ADAM23: variants seen among roughly 807,000 people sequenced by gnomAD.
ADAM23 encodes the protein ADAM metallopeptidase domain 23.
Under a neutral mutation model 120.1 loss-of-function variants are expected in ADAM23, and 33 were observed. The observed-to-expected ratio is 0.27, with a 90% confidence interval of 0.21 to 0.37. The LOEUF (loss-of-function observed/expected upper bound fraction) is 0.37, where lower values mean the gene tolerates loss of function less well. Ranked by LOEUF, ADAM23 falls within the 10% of genes least tolerant of loss-of-function variation. The pLI, the probability that ADAM23 is intolerant of heterozygous loss-of-function variation, is 1.00. For synonymous variants in ADAM23, 367 were observed against 375.2 expected (o/e 0.98, Z 0.25); for missense variants, 862 against 1,058.2 (o/e 0.81, Z 2.57).
At chr2:206,543,182 G>C (rs573529783) in intron 5 of ADAM23, 71 bp from the exon 6 acceptor site, 662 of 1,294,402 alleles carry the variant, frequency 5.1e-4, no homozygotes, top group Non-Finnish European at 6.8e-4. Context: ...CAATAATGAA[G>C]CTCACTTGCT....
At chr2:206,544,159 T>C (rs1697349187) in intron 6 of ADAM23, among the ~76,000 whole-genome samples, 1 of 152,248 alleles carries the variant, frequency 6.6e-6, no homozygotes, top group Non-Finnish European at 1.5e-5. Flanking sequence ...ACTGTCATCT[T>C]TAGACAATTG....
rs202175415 is a variant in ADAM23, at chr2:206,553,619, A to AT, written c.933+3469dup. Among the ~76,000 whole-genome samples, 410 of 150,892 alleles carry AT rather than the reference A, an allele frequency of 2.7e-3. 1 individual carries two copies. Among genetic ancestry groups the AT allele is most frequent in the Non-Finnish European group, 4.5e-3 (306 of 67,604 alleles). ...CAAATACGTATGACATTTTATAAGAATTTTTTTTTTGAGAGCTGAAAAAAA... is the reference window on the plus strand; with the variant it reads ...CAAATACGTATGACATTTTATAAGAATTTTTTTTTTTGAGAGCTGAAAAAAA... On this transcript the variant is annotated intron_variant, in intron 9 of 25. Transcript: ENST00000264377.
intron 3 of ADAM23, among the ~76,000 whole-genome samples, chr2:206,516,892 G>C (rs1696744688): frequency 6.6e-6 from 1 of 151,946 alleles, no homozygotes; most frequent in Non-Finnish European, 1.5e-5. Context: ...TTCTATTTTG[G>C]CCTAGCAGTT....
rs1173243620 is a variant in ADAM23 at position 206,572,782 on chromosome 2, T to C, written c.1657-333T>C. 2.6e-5 allele frequency among the ~76,000 whole-genome samples: 4 copies of C among 152,232 alleles called. No homozygotes were observed. The East Asian group carries it at 7.7e-4, about 29-fold the overall frequency. ...TCTTCAGAGAGATCTTAAATGTTTATATTATAGTGTTTTGCTATTTTGTCT... is the reference window on the plus strand; with the variant it reads ...TCTTCAGAGAGATCTTAAATGTTTACATTATAGTGTTTTGCTATTTTGTCT... On this transcript the variant is annotated intron_variant, in intron 17 of 25. Coordinates refer to ENST00000264377, the MANE Select transcript of ADAM23 (RefSeq NM_003812.4).
In ADAM23 at chr2:206,445,308, T is replaced by G; in HGVS notation, c.216T>G (p.Ala72=). 6.2e-7 allele frequency: 1 copy of G among 1,612,252 alleles called. No homozygotes were observed. The highest frequency in any genetic ancestry group is 8.5e-7 in the Non-Finnish European group (1 of 1,178,712). Reference sequence around the variant, plus strand: ...CCCCCACCCCCCTACCTCCACCAGCTCCGCATTGGAATGAAACTGCAGAAA... The same window carrying G: ...CCCCCACCCCCCTACCTCCACCAGCGCCGCATTGGAATGAAACTGCAGAAA... ...PRAWGAAAPS[A]PHWNETAEKN... is the part of the protein sequence containing the mutation. The change falls in exon 2 of 26, where the codon GCT becomes GCG. Residue 72 remains alanine, a splice_region_variant and synonymous_variant. Coordinates refer to ENST00000264377, the MANE Select transcript of ADAM23 (RefSeq NM_003812.4).
chr2:206,464,127 G>A (rs1380103638), intron 2 of ADAM23, among the ~76,000 whole-genome samples: 3 of 152,180 alleles, frequency 2.0e-5, no homozygotes, highest in Non-Finnish European at 2.9e-5. Flanking sequence ...GGGAAGGCTT[G>A]TATGGCTATA....
At chr2:206,529,087 G>C (rs1696997502) in intron 3 of ADAM23, among the ~76,000 whole-genome samples, 1 of 152,096 alleles carries the variant, frequency 6.6e-6, no homozygotes. Context: ...GTTTTAAGAA[G>C]TTGAGTTAAA....
intron 2 of ADAM23, among the ~76,000 whole-genome samples, chr2:206,477,642 T>C (rs965952642): frequency 1.3e-5 from 2 of 152,038 alleles, no homozygotes; most frequent in African/African-American, 4.8e-5. Flanking sequence ...TAGGATCTGA[T>C]TTTGTATTAC....
intron 4 of ADAM23, among the ~76,000 whole-genome samples, chr2:206,540,981 A>G (rs1697280454): frequency 6.8e-6 from 1 of 148,020 alleles, no homozygotes; most frequent in Non-Finnish European, 1.5e-5. Flanking sequence ...TTATAATAAT[A>G]AAAATTTATT....
Position 206,515,461 on chromosome 2 carries a change from A to G in ADAM23, c.510-15424A>G, listed in dbSNP as rs541608005. ...AGATTTGCTCCATGTTGCACCACAC[A>G]CAGTCTTTGCTCCTGTGTCCTTCCA... On this transcript the variant is annotated intron_variant, in intron 3 of 25. Transcript: ENST00000264377. Among the ~76,000 whole-genome samples, 631 of 152,260 alleles carry G rather than the reference A, an allele frequency of 4.1e-3. 3 individuals are homozygous for G. The highest frequency in any genetic ancestry group is 6.8e-3 in the Middle Eastern group (2 of 294).
At chr2:206,589,586 A>G (rs1486864825) in intron 21 of ADAM23, 72 bp downstream of exon 21, 7 of 1,224,786 alleles carry the variant, frequency 5.7e-6, no homozygotes, top group Non-Finnish European at 8.0e-6. Flanking sequence ...AAATGAGCAC[A>G]AAATAAATGC....
At chr2:206,603,525 G>A (rs536475214) in intron 24 of ADAM23, among the ~76,000 whole-genome samples, 51 of 152,352 alleles carry the variant, frequency 3.3e-4, no homozygotes, top group Admixed American at 1.2e-3. Flanking sequence ...AGGGAGGGTA[G>A]GGATGCTTTT....
chr2:206,601,427 C>T (rs1698638146), intron 24 of ADAM23, among the ~76,000 whole-genome samples: 1 of 152,094 alleles, frequency 6.6e-6, no homozygotes, highest in South Asian at 2.1e-4. Context: ...AACATAATCA[C>T]CTTATCTTGA....
rs376046742 is a variant in ADAM23 at position 206,592,610 on chromosome 2, T to C, written c.1959-7T>C. The C allele has an allele frequency of 1.2e-5, 19 of 1,610,726 alleles. No individual in the cohort carries two copies. Among genetic ancestry groups the C allele is most frequent in the Admixed American group, 6.7e-5 (4 of 59,796 alleles). The stretch of plus-strand genomic sequence containing the variant: ...CTGGTCTGTTTGTTTTCTTTACACA[T>C]GTTCAGTGATGTGTTCTGTGGATTC... On this transcript the variant is annotated splice_polypyrimidine_tract_variant and splice_region_variant and intron_variant, in intron 21 of 25. Transcript: ENST00000264377.
chr2:206,500,992 AC>A (rs901822809), intron 3 of ADAM23, among the ~76,000 whole-genome samples: 1 of 147,250 alleles, frequency 6.8e-6, no homozygotes, highest in Admixed American at 6.7e-5. Flanking sequence ...TGAGCCACTC[AC>A]TTTTTTTTTT....
intron 5 of ADAM23, 62 bp downstream of exon 5, chr2:206,542,196 A>G: frequency 3.9e-6 from 6 of 1,519,964 alleles, no homozygotes; most frequent in South Asian, 2.2e-5. Context: ...TTTTATGGAT[A>G]TATATATTTT....
chr2:206,547,438 G>T lies in ADAM23; in HGVS notation c.730G>T (p.Gly244Cys), dbSNP rs760551624. The T allele has an allele frequency of 6.2e-7, 1 of 1,612,184 alleles. No homozygotes were observed. The highest frequency in any genetic ancestry group is 1.3e-5 in the African/African-American group (1 of 74,954). The change falls in exon 7 of 26, where the codon GGT becomes TGT. Residue 244 changes from glycine to cysteine, a missense_variant. Gly to Cys is a radical substitution (Grantham distance 159). This residue lies in a region of ADAM23 where 617 missense variants were observed against 813.5 expected (regional missense o/e 0.76). Coordinates refer to ENST00000264377, the MANE Select transcript of ADAM23 (RefSeq NM_003812.4). ...AATTGTTTTGTTTCAGAAAAGCACAGGTCGACCACATATAATCCAGAAAAC... is the reference window on the plus strand; with the variant it reads ...AATTGTTTTGTTTCAGAAAAGCACATGTCGACCACATATAATCCAGAAAAC... ...LELVHDEKST[G>C]RPHIIQKTLA...
intron 3 of ADAM23, among the ~76,000 whole-genome samples, chr2:206,488,897 A>G (rs1221330814): frequency 6.6e-6 from 1 of 152,234 alleles, no homozygotes; most frequent in African/African-American, 2.4e-5. Context: ...GGGGTGAGTC[A>G]GGACTGGTGA....
intron 3 of ADAM23, among the ~76,000 whole-genome samples, chr2:206,501,709 A>C (rs1375500555): frequency 2.6e-5 from 4 of 152,100 alleles, no homozygotes; most frequent in Non-Finnish European, 4.4e-5. Flanking sequence ...GGATATTTTG[A>C]GTCTATAAGA....
Sources: allele counts gnomAD v4.1 joint callset (sites outside exome capture counted in the v4.1 genomes callset), GRCh38; gene constraint gnomAD v4.1.1; regional missense constraint gnomAD v4.1.1; transcripts MANE v1.5; gene names NCBI Gene and HGNC (gene_info 2026-07-23, HGNC 2026-07-21).